The following DHX29 variants were observed in gnomAD, a reference collection of about 807,000 sequenced individuals.
DHX29 encodes the protein ATP-dependent RNA helicase DHX29.
In DHX29, 79 loss-of-function variants were observed where a neutral mutation model predicts 167.9. The observed-to-expected ratio is 0.47, with a 90% confidence interval of 0.39 to 0.57. DHX29 has a LOEUF of 0.57. Ranked by LOEUF, DHX29 falls within the 20% of genes least tolerant of loss-of-function variation. The pLI, the probability that DHX29 is intolerant of heterozygous loss-of-function variation, is 0.00. For synonymous variants in DHX29, 530 were observed against 546.0 expected, an observed-to-expected ratio of 0.97 and a Z score of 0.41; for missense variants, 1,347 against 1,593.4, an observed-to-expected ratio of 0.85 and a Z score of 2.63.
In DHX29 at chr5:55,285,802, C is replaced by G; in HGVS notation, c.1126G>C (p.Gly376Arg). The change falls in exon 9 of 27, where the codon GGA (glycine) becomes CGA (arginine). Residue 376 changes from glycine (G) to arginine (R), a missense_variant. This residue lies in a region of DHX29 where 60 missense variants were observed against 94.2 expected (regional missense o/e 0.64). Coordinates refer to ENST00000251636, the MANE Select transcript of DHX29 (RefSeq NM_019030.4). ...ATCAGAAATTGTTTGGGAGATTTTC[C>G]AGTCCAACTTCGAGCAGTATAGTCA... Reference protein sequence around the residue: ...NFDYTARSWTGKSPKQFLIDW... With the variant: ...NFDYTARSWTRKSPKQFLIDW... 2 of 1,604,728 alleles carry G rather than the reference C, an allele frequency of 1.2e-6. No homozygotes were observed. Among genetic ancestry groups the G allele is most frequent in the Non-Finnish European group, 1.7e-6 (2 of 1,173,284 alleles).
At chr5:55,260,334 C>T (rs534071861) in intron 25 of DHX29, among the ~76,000 whole-genome samples, 56 of 152,078 alleles carry the variant, frequency 3.7e-4, no homozygotes, top group African/African-American at 1.2e-3. Flanking sequence ...CAGGTTCAAG[C>T]GATTCTCCTG....
rs369036829 is a variant in DHX29 at position 55,294,137 on chromosome 5, C to T, written c.660G>A (p.Lys220=). The change falls in exon 6 of 27, where the codon AAG becomes AAA. Residue 220 remains lysine, a synonymous_variant. Transcript: ENST00000251636. ...TATTTACTTCCATATTTTTTTCTTC[C>T]TTTTTTGGCTAGAAAGAGAAAACAA... The part of the protein sequence containing the change: ...YEEDPKSKPK[K]EEKNMEVNMK... 2.2e-4 allele frequency: 351 copies of T among 1,586,214 alleles called. No individual in the cohort carries two copies. Among genetic ancestry groups the T allele is most frequent in the Middle Eastern group, 1.7e-4 (1 of 5,988 alleles).
At chr5:55,277,896 ACT>A (rs1377093489) in intron 12 of DHX29, among the ~76,000 whole-genome samples, 2 of 136,764 alleles carry the variant, frequency 1.5e-5, no homozygotes, top group Non-Finnish European at 3.1e-5. Context: ...ACAGAGTAAG[ACT>A]CTATCTCAAA....
In DHX29 at chr5:55,283,639, G is replaced by T; in HGVS notation, c.1529C>A (p.Ser510Tyr). Residue 510 changes from serine to tyrosine, a missense_variant, in exon 11 of 27, where the codon TCT becomes TAT. Coordinates refer to ENST00000251636, the MANE Select transcript of DHX29 (RefSeq NM_019030.4). ...TTCAGAGTTTTCTCTCTTATTTTCA[G>T]AATGCTGTTGTTGCTGCTGTTGCTG... ...KQQQQQQQQH[S>Y]ENKRENSEDP... 6.2e-7 allele frequency: 1 copy of T among 1,613,972 alleles called. No individual in the cohort carries two copies. Among genetic ancestry groups the T allele is most frequent in the Non-Finnish European group, 8.5e-7 (1 of 1,180,004 alleles).
intron 6 of DHX29, among the ~76,000 whole-genome samples, chr5:55,291,914 A>G (rs1335083741): frequency 2.6e-5 from 4 of 152,068 alleles, no homozygotes; most frequent in African/African-American, 9.7e-5. Flanking sequence ...TTACCTATTC[A>G]TTCATCTTAT....
chr5:55,274,108 T>C (rs1487812251), intron 16 of DHX29, among the ~76,000 whole-genome samples: 1 of 146,374 alleles, frequency 6.8e-6, no homozygotes, highest in Admixed American at 6.8e-5. Context: ...AAAAAAAAGA[T>C]GAAGGCTACA....
In DHX29 at chr5:55,270,411, C is replaced by T. The variant is rs1329472188; in HGVS notation, c.3069+1G>A. 6.2e-7 allele frequency: 1 copy of T among 1,605,300 alleles called. No homozygotes were observed. Among genetic ancestry groups the T allele is most frequent in the Non-Finnish European group, 8.5e-7 (1 of 1,176,454 alleles). ...ATCCATCCGAGTTCCCTTGAGATTA[C>T]CATAATATGAAGGCATAATTCCTCC... On this transcript the variant is annotated splice_donor_variant, in intron 20 of 26. Coordinates refer to ENST00000251636, the MANE Select transcript of DHX29 (RefSeq NM_019030.4). LOFTEE classifies it high-confidence loss of function.
chr5:55,294,949 T>C lies in DHX29; in HGVS notation c.651+430A>G, dbSNP rs549632351. 288 of 154,678 alleles carry C rather than the reference T, an allele frequency of 1.9e-3. 1 individual carries two copies. The highest frequency in any genetic ancestry group is 1.5e-3 in the Non-Finnish European group (105 of 69,716). The allele number at this position is 154,678 out of a possible 1,614,324, so 9.6% of individuals were successfully genotyped here. On this transcript the variant is annotated intron_variant, in intron 5 of 26. Transcript: ENST00000251636. ...ATTTTGGCTTATCATCTTAAAATAT[T>C]CTTGGAAGCCAGATGCAATAAGAAG...
At position 55,298,632 on chromosome 5, in the gene DHX29, C is replaced by A; in HGVS notation, c.220G>T (p.Asp74Tyr). 6.4e-7 allele frequency: 1 copy of A among 1,551,742 alleles called. No individual in the cohort carries two copies. The highest frequency in any genetic ancestry group is 1.1e-5 in the South Asian group (1 of 88,966). ...TCCAGATTTGCAGGACCACTAGAAT[C>A]ATTTGTAGAATTAAAACTATAAATT... ...PKIYSFNSTN[D>Y]SSGPANLDKS... The change falls in exon 2 of 27, where the codon GAT becomes TAT. Residue 74 changes from aspartate (D) to tyrosine (Y), a missense_variant. Asp to Tyr is a radical substitution (Grantham distance 160). This residue lies in a region of DHX29 where 405 missense variants were observed against 416.8 expected (regional missense o/e 0.97). Transcript: ENST00000251636.
intron 21 of DHX29, 138 bp downstream of exon 21, chr5:55,269,275 C>G: frequency 1.4e-6 from 1 of 693,052 alleles, no homozygotes; most frequent in Non-Finnish European, 2.3e-6. Context: ...TTCAAGCATT[C>G]AGGCCCTCTC....
At chr5:55,276,461 C>T in intron 13 of DHX29, 55 bp from the exon 14 acceptor site, 1 of 1,396,632 alleles carries the variant, frequency 7.2e-7, no homozygotes, top group Non-Finnish European at 9.8e-7. Context: ...CAGTAAATAT[C>T]ATTTTAAAGA....
At chr5:55,270,321 A>G in intron 20 of DHX29, 91 bp downstream of exon 20, 5 of 1,376,234 alleles carry the variant, frequency 3.6e-6, no homozygotes, top group Non-Finnish European at 4.9e-6. Context: ...TTGAAAATCT[A>G]AAGCAATATA....
chr5:55,304,127 GAAAGA>G (rs1748739877), intron 1 of DHX29, among the ~76,000 whole-genome samples: 1 of 151,956 alleles, frequency 6.6e-6, no homozygotes, highest in Non-Finnish European at 1.5e-5. Context: ...ATGGAAAGAA[GAAAGA>G]AAAGAAAAGA....
chr5:55,256,597 A>C, intron 26 of DHX29, 57 bp from the exon 27 acceptor site: 5 of 1,518,664 alleles, frequency 3.3e-6, no homozygotes, highest in Non-Finnish European at 4.4e-6. Flanking sequence ...TAATTTTCCA[A>C]GGTATGCACA....
rs781352394 is a variant in DHX29 at position 55,267,777 on chromosome 5, G to T, written c.3340C>A (p.Pro1114Thr). The change falls in exon 22 of 27, where the codon CCA becomes ACA. Residue 1114 changes from proline (P) to threonine (T), a missense_variant. Physicochemically the swap from Pro to Thr is conservative, Grantham distance 38 (BLOSUM62 -1). This residue lies in a region of DHX29 where 882 missense variants were observed against 1,082.4 expected (regional missense o/e 0.81). Coordinates refer to ENST00000251636, the MANE Select transcript of DHX29 (RefSeq NM_019030.4). ...TCTGCTTCATCTTTTCGACCAATTG[G>T]TGTGGTAAAAGGAGACTTCTCTGTC... The part of the protein sequence containing the change: ...VMTEKSPFTT[P>T]IGRKDEADLA... 3.7e-6 allele frequency: 6 copies of T among 1,608,786 alleles called. No homozygotes were observed. The highest frequency in any genetic ancestry group is 1.7e-5 in the Admixed American group (1 of 59,582).
chr5:55,266,890 C>T (rs932274547), intron 23 of DHX29, among the ~76,000 whole-genome samples: 6 of 152,158 alleles, frequency 3.9e-5, no homozygotes, highest in Admixed American at 2.0e-4. Flanking sequence ...ACTGGGATTA[C>T]AGGAATGAGC....
chr5:55,295,217 G>A (rs931346866), intron 5 of DHX29, 162 bp downstream of exon 5: 4 of 610,776 alleles, frequency 6.5e-6, no homozygotes, highest in Non-Finnish European at 1.1e-5. Context: ...GGAGTGGTTT[G>A]TTATATAACT....
intron 19 of DHX29, 43 bp downstream of exon 19, chr5:55,270,535 A>G: frequency 6.2e-7 from 1 of 1,613,524 alleles, no homozygotes; most frequent in Non-Finnish European, 8.5e-7. Context: ...AATGTCACAC[A>G]ATACTGGTTT....
At chr5:55,257,118 GACAA>G (rs1190768762) in intron 26 of DHX29, among the ~76,000 whole-genome samples, 2 of 152,140 alleles carry the variant, frequency 1.3e-5, no homozygotes, top group African/African-American at 2.4e-5. Flanking sequence ...CAATTAATTT[GACAA>G]ACAGAGCAAC....
Sources: gnomAD v4.1 joint callset for allele counts (sites outside exome capture counted in the v4.1 genomes callset) on GRCh38, gnomAD v4.1.1 for gene constraint, gnomAD v4.1.1 regional missense constraint, MANE v1.5 for transcripts, NCBI Gene and HGNC (gene_info 2026-07-23, HGNC 2026-07-21) for gene names.